The following APC variants were observed in gnomAD, a reference collection of about 807,000 sequenced individuals.
The protein encoded by APC is adenomatous polyposis coli protein.
APC carries 72 observed loss-of-function variants against 247.0 expected under a neutral mutation model. The ratio of observed to expected loss-of-function variants is 0.29; its 90% CI spans 0.24 to 0.35. APC has a LOEUF of 0.35. Ranked by LOEUF, APC falls within the 10% of genes least tolerant of loss-of-function variation. The pLI is 1.00. For synonymous variants in APC, 1,254 were observed against 1,162.5 expected (o/e 1.08, Z -1.60); for missense variants, 3,400 against 3,360.7 (o/e 1.01, Z -0.29).
rs1554086032 is a variant in APC at position 112,840,232 on chromosome 5, T to C, written c.4638T>C (p.Asn1546=). Reference sequence around the variant, plus strand: ...AATCAGAGCAGCCTAAAGAATCAAATGAAAACCAAGAGAAAGAGGCAGAAA... The same window carrying C: ...AATCAGAGCAGCCTAAAGAATCAAACGAAAACCAAGAGAAAGAGGCAGAAA... ...ETESEQPKES[N]ENQEKEAEKT... Residue 1546 remains asparagine (N), a synonymous_variant, in exon 16 of 16, where the codon AAT becomes AAC. Coordinates refer to ENST00000257430, the MANE Select transcript of APC (RefSeq NM_000038.6). The surrounding 1 kb of genome is among the most constrained non-coding windows in gnomAD (Gnocchi z 4.1). The C allele has an allele frequency of 1.2e-6, 2 of 1,613,926 alleles. No homozygotes were observed. Among genetic ancestry groups the C allele is most frequent in the Non-Finnish European group, 1.7e-6 (2 of 1,179,992 alleles).
Position 112,835,109 on chromosome 5 carries a change from T to C in APC, c.1902T>C (p.Ser634=). Residue 634 remains serine (S), a synonymous_variant, in exon 15 of 16, where the codon AGT becomes AGC. Transcript: ENST00000257430. The stretch of plus-strand genomic sequence containing the variant: ...CAAACACTTTAGCCATTATTGAAAG[T>C]GGAGGTGGGATATTACGGAATGTGT... ...SQTNTLAIIE[S]GGGILRNVSS... 6.2e-7 allele frequency: 1 copy of C among 1,614,076 alleles called. No homozygotes were observed. The highest frequency in any genetic ancestry group is 8.5e-7 in the Non-Finnish European group (1 of 1,179,984).
chr5:112,818,459 A>C (rs1280071364), intron 9 of APC, among the ~76,000 whole-genome samples: 1 of 152,062 alleles, frequency 6.6e-6, no homozygotes. Context: ...TAATAATATT[A>C]TCATCTGACG....
intron 1 of APC, among the ~76,000 whole-genome samples, chr5:112,745,300 C>A (rs1581089236): frequency 6.6e-6 from 1 of 151,798 alleles, no homozygotes; most frequent in East Asian, 1.9e-4. Flanking sequence ...AAAGATGACT[C>A]AAAAAGCCTT....
At chr5:112,827,352 A>G in intron 12 of APC, 105 bp downstream of exon 12, 1 of 1,250,230 alleles carries the variant, frequency 8.0e-7, no homozygotes, top group Non-Finnish European at 1.2e-6. Context: ...TCTCCTCATT[A>G]AACAATGACT....
intron 3 of APC, among the ~76,000 whole-genome samples, chr5:112,766,976 A>G (rs767244725): frequency 6.6e-6 from 1 of 152,296 alleles, no homozygotes; most frequent in South Asian, 2.1e-4. Context: ...AAGGAAGTAC[A>G]TTTTATCTAA....
intron 1 of APC, among the ~76,000 whole-genome samples, chr5:112,722,734 G>A (rs1751553111): frequency 6.6e-6 from 1 of 152,140 alleles, no homozygotes; most frequent in Admixed American, 6.5e-5. Flanking sequence ...GGATGCAGAA[G>A]AAGAGATGCA....
At chr5:112,779,071 A>C (rs1412475358) in intron 5 of APC, among the ~76,000 whole-genome samples, 1 of 152,168 alleles carries the variant, frequency 6.6e-6, no homozygotes, top group East Asian at 1.9e-4. Context: ...TAGAATAATC[A>C]TTCAGGGTTT....
At chr5:112,731,601 G>A (rs1387855949) in intron 1 of APC, among the ~76,000 whole-genome samples, 1 of 152,172 alleles carries the variant, frequency 6.6e-6, no homozygotes, top group African/African-American at 2.4e-5. Flanking sequence ...GCTTTTGGGG[G>A]ACATACTCAA....
intron 1 of APC, among the ~76,000 whole-genome samples, chr5:112,725,988 A>G (rs1751753015): frequency 6.6e-6 from 1 of 152,140 alleles, no homozygotes; most frequent in African/African-American, 2.4e-5. Flanking sequence ...CTGTTGCAGG[A>G]TGTGCAACAG....
chr5:112,768,825 AGAACACAGTCCTGTACAGTAGCG>A lies in APC; in HGVS notation c.422+1436_422+1458del, dbSNP rs1756678327. 1.6e-3 allele frequency among the ~76,000 whole-genome samples: 238 copies of A among 152,038 alleles called. 2 individuals carry two copies. Among genetic ancestry groups the A allele is most frequent in the African/African-American group, 5.4e-3 (224 of 41,370 alleles). On this transcript the variant is annotated intron_variant, in intron 4 of 15. Transcript: ENST00000257430. The stretch of plus-strand genomic sequence containing the variant: ...AGAACACAGTCCTGTACAGTAGCGT[AGAACACAGTCCTGTACAGTAGCG>A]TAGAACACAGTCTTATACAGTAGTG...
In APC at chr5:112,840,709, C is replaced by T. The variant is rs373698193; in HGVS notation, c.5115C>T (p.Thr1705=). Residue 1705 remains threonine (T), a synonymous_variant, in exon 16 of 16, where the codon ACC becomes ACT. Coordinates refer to ENST00000257430, the MANE Select transcript of APC (RefSeq NM_000038.6). The surrounding 1 kb of genome is among the most constrained non-coding windows in gnomAD (Gnocchi z 4.1). ...RSTDEAQGGK[T]SSVTIPELDD... is the part of the protein sequence containing the mutation. ...CAGATGAGGCTCAAGGAGGAAAAAC[C>T]TCATCTGTAACCATACCTGAATTGG... The T allele has an allele frequency of 6.2e-7, 1 of 1,614,026 alleles. No individual in the cohort carries two copies. The highest frequency in any genetic ancestry group is 8.5e-7 in the Non-Finnish European group (1 of 1,179,992).
chr5:112,802,076 T>C (rs1760890229), intron 8 of APC, among the ~76,000 whole-genome samples: 1 of 152,146 alleles, frequency 6.6e-6, no homozygotes. Context: ...TGAATATTTT[T>C]AGAGTGTAAA....
chr5:112,781,760 A>G (rs1203161684), intron 6 of APC, among the ~76,000 whole-genome samples: 4 of 150,506 alleles, frequency 2.7e-5, no homozygotes, highest in Non-Finnish European at 4.4e-5. Flanking sequence ...CCTAAACATA[A>G]TGATTTTTTT....
At chr5:112,754,519 C>A (rs1231599099) in intron 1 of APC, among the ~76,000 whole-genome samples, 2 of 152,072 alleles carry the variant, frequency 1.3e-5, no homozygotes, top group Admixed American at 1.3e-4. Flanking sequence ...AAATTTTTAT[C>A]ATAATTATAT....
Position 112,834,200 on chromosome 5 carries a change from A to G in APC, c.1744-751A>G, listed in dbSNP as rs181848218. On this transcript the variant is annotated intron_variant, in intron 14 of 15. Coordinates refer to ENST00000257430, the MANE Select transcript of APC (RefSeq NM_000038.6). ...CCCAGTCACGCCAGTCAGCCTTCCA[A>G]AGTGCTGGGATTACAGGCATGAGCC... Among the ~76,000 whole-genome samples the G allele has an allele frequency of 3.7e-3, 560 of 150,018 alleles. 3 individuals are homozygous for G. The highest frequency in any genetic ancestry group is 0.013 in the African/African-American group (544 of 40,812).
chr5:112,722,928 G>A (rs1180492238), intron 1 of APC, among the ~76,000 whole-genome samples: 4 of 152,062 alleles, frequency 2.6e-5, no homozygotes, highest in Admixed American at 1.3e-4. Flanking sequence ...TGGACAAAAA[G>A]TGCGTGATCT....
chr5:112,765,866 A>G (rs1756241682), intron 2 of APC, among the ~76,000 whole-genome samples: 1 of 152,178 alleles, frequency 6.6e-6, no homozygotes, highest in Admixed American at 6.5e-5. Context: ...ATATACTTAA[A>G]TGTGGTATAT....
chr5:112,715,690 CAT>C (rs1271581268), intron 1 of APC, among the ~76,000 whole-genome samples: 1 of 152,044 alleles, frequency 6.6e-6, no homozygotes, highest in Non-Finnish European at 1.5e-5. Context: ...TTATGGGGTA[CAT>C]GTTATATTTT....
intron 1 of APC, among the ~76,000 whole-genome samples, chr5:112,753,740 A>G (rs986326948): frequency 2.6e-5 from 4 of 152,124 alleles, no homozygotes; most frequent in Admixed American, 6.5e-5. Flanking sequence ...CTGAACTCCA[A>G]TATTGTCGTG....
Sources: gnomAD v4.1 joint callset for allele counts (sites outside exome capture counted in the v4.1 genomes callset) on GRCh38, gnomAD v4.1.1 for gene constraint, Gnocchi (gnomAD v3.1) non-coding constraint, MANE v1.5 for transcripts, NCBI Gene and HGNC (gene_info 2026-07-23, HGNC 2026-07-21) for gene names.